AHCYL2: variants seen among roughly 807,000 people sequenced by gnomAD.
AHCYL2 encodes the protein S-adenosylhomocysteine hydrolase-like protein 2.
Under a neutral mutation model 81.4 loss-of-function variants are expected in AHCYL2, and 28 were observed. That is an observed-to-expected ratio of 0.34 (90% CI 0.25 to 0.47). The LOEUF (loss-of-function observed/expected upper bound fraction) is 0.47. AHCYL2 is among the 20% of genes least tolerant of loss of function. AHCYL2 has a pLI of 1.00. For synonymous variants in AHCYL2, 272 were observed against 290.2 expected, an observed-to-expected ratio of 0.94 and a Z score of 0.64; for missense variants, 551 against 785.1, an observed-to-expected ratio of 0.70 and a Z score of 3.56.
rs1028591283 is a variant in AHCYL2 at position 129,329,693 on chromosome 7, T to A, written c.364-49945T>A. Among the ~76,000 whole-genome samples, 12 of 152,378 alleles carry A rather than the reference T, an allele frequency of 7.9e-5. 1 individual carries two copies. The South Asian group carries it at 2.5e-3, about 32-fold the overall frequency. On this transcript the variant is annotated intron_variant, in intron 1 of 16. Transcript: ENST00000325006. ...TTTGGCAAGTTGCCTAATTTCTTTG[T>A]CTTCAGTTTCTTCATTTGTAAAATG...
chr7:129,317,070 T>C (rs1371083437), intron 1 of AHCYL2, among the ~76,000 whole-genome samples: 2 of 152,214 alleles, frequency 1.3e-5, no homozygotes, highest in African/African-American at 4.8e-5. Flanking sequence ...GGAAAATTCG[T>C]TGATTCACTT....
intron 1 of AHCYL2, among the ~76,000 whole-genome samples, chr7:129,326,929 A>C (rs891032535): frequency 6.6e-6 from 1 of 152,312 alleles, no homozygotes; most frequent in Middle Eastern, 3.4e-3. Context: ...AAGCCATTGA[A>C]AGGCTGTAAG....
At chr7:129,257,300 C>T (rs1795463031) in intron 1 of AHCYL2, among the ~76,000 whole-genome samples, 1 of 152,144 alleles carries the variant, frequency 6.6e-6, no homozygotes, top group Non-Finnish European at 1.5e-5. Context: ...TTTTAGTAAG[C>T]TTCATGGTTA....
At position 129,409,496 on chromosome 7, in the gene AHCYL2, T is replaced by C. The variant is rs775401554; in HGVS notation, c.1316T>C (p.Val439Ala). Reference sequence around the variant, plus strand: ...AACAGTATGGATGGATTTCGACTGGTGAAATTAAATGAGGTCATCCGACAA... The same window carrying C: ...AACAGTATGGATGGATTTCGACTGGCGAAATTAAATGAGGTCATCCGACAA... ...LQACMDGFRL[V>A]KLNEVIRQVD... The change falls in exon 11 of 17, where the codon GTG becomes GCG. Residue 439 changes from valine to alanine, a missense_variant. Coordinates refer to ENST00000325006, the MANE Select transcript of AHCYL2 (RefSeq NM_015328.4). 3 of 1,613,794 alleles carry C rather than the reference T, an allele frequency of 1.9e-6. No individual in the cohort carries two copies. In the South Asian group the frequency reaches 3.3e-5, roughly 18 times the overall value.
chr7:129,343,256 G>T (rs189942794), intron 1 of AHCYL2, among the ~76,000 whole-genome samples: 1 of 152,072 alleles, frequency 6.6e-6, no homozygotes, highest in Non-Finnish European at 1.5e-5. Flanking sequence ...TGGCATATCC[G>T]TACAGTTTCC....
chr7:129,360,278 G>A (rs187121251), intron 1 of AHCYL2, among the ~76,000 whole-genome samples: 227 of 152,090 alleles, frequency 1.5e-3, no homozygotes, highest in African/African-American at 5.3e-3. Context: ...CACCACGCTC[G>A]GCTAATTTTG....
chr7:129,412,079 T>G (rs1430289170), intron 11 of AHCYL2, among the ~76,000 whole-genome samples: 2 of 151,972 alleles, frequency 1.3e-5, no homozygotes, highest in Non-Finnish European at 2.9e-5. Context: ...CTGGGTGTGG[T>G]GGCTCACACC....
Position 129,379,709 on chromosome 7 carries a change from T to C in AHCYL2, c.435T>C (p.Ser145=). 6.2e-7 allele frequency: 1 copy of C among 1,614,176 alleles called. No individual in the cohort carries two copies. Among genetic ancestry groups the C allele is most frequent in the Non-Finnish European group, 8.5e-7 (1 of 1,180,014 alleles). The change falls in exon 2 of 17, where the codon TCT becomes TCC. Residue 145 remains serine, a synonymous_variant. Coordinates refer to ENST00000325006, the MANE Select transcript of AHCYL2 (RefSeq NM_015328.4). The part of the protein sequence containing the change: ...RPTKIGRRSL[S]RSISQSSTDS... Reference sequence around the variant, plus strand: ...CCAAAATTGGACGTCGCTCTTTGTCTCGTTCCATTTCTCAGTCATCTACTG... The same window carrying C: ...CCAAAATTGGACGTCGCTCTTTGTCCCGTTCCATTTCTCAGTCATCTACTG...
chr7:129,414,628 C>T (rs1041081693), intron 12 of AHCYL2, among the ~76,000 whole-genome samples: 4 of 152,022 alleles, frequency 2.6e-5, no homozygotes, highest in African/African-American at 7.3e-5. Flanking sequence ...ACCATATTGG[C>T]TAGGCTGGTC....
intron 2 of AHCYL2, among the ~76,000 whole-genome samples, chr7:129,385,626 A>G (rs777401986): frequency 4.6e-5 from 7 of 152,154 alleles, no homozygotes; most frequent in Non-Finnish European, 7.4e-5. Context: ...TATTCGTAAG[A>G]TTTTTCCGGT....
intron 12 of AHCYL2, among the ~76,000 whole-genome samples, chr7:129,417,347 G>C (rs990759286): frequency 1.3e-5 from 2 of 152,198 alleles, no homozygotes; most frequent in African/African-American, 4.8e-5. Flanking sequence ...GGTCAGAGGG[G>C]TAACAGGCCA....
At chr7:129,300,733 T>C (rs1797230890) in intron 1 of AHCYL2, among the ~76,000 whole-genome samples, 1 of 152,226 alleles carries the variant, frequency 6.6e-6, no homozygotes, top group Non-Finnish European at 1.5e-5. Context: ...TTGTTCTTCA[T>C]AGTGTATGAG....
At chr7:129,278,849 G>A (rs1796318749) in intron 1 of AHCYL2, among the ~76,000 whole-genome samples, 1 of 135,994 alleles carries the variant, frequency 7.4e-6, no homozygotes, top group Non-Finnish European at 1.5e-5. Flanking sequence ...AATTGCTCTT[G>A]CACCTTTGTT....
intron 12 of AHCYL2, among the ~76,000 whole-genome samples, chr7:129,416,511 T>C (rs1796856917): frequency 1.3e-5 from 2 of 151,948 alleles, no homozygotes. Context: ...ATTAAGAATA[T>C]GATGAGCCGG....
chr7:129,227,192 A>C (rs1021743564), intron 1 of AHCYL2, among the ~76,000 whole-genome samples: 2 of 152,196 alleles, frequency 1.3e-5, no homozygotes, highest in Non-Finnish European at 2.9e-5. Flanking sequence ...TGAGCTTGGC[A>C]CATAAAGTCT....
At chr7:129,260,986 C>T (rs921478937) in intron 1 of AHCYL2, among the ~76,000 whole-genome samples, 5 of 152,122 alleles carry the variant, frequency 3.3e-5, no homozygotes, top group African/African-American at 1.2e-4. Flanking sequence ...GACAGTGTTT[C>T]ACCATGTTGG....
intron 8 of AHCYL2, 96 bp from the exon 9 acceptor site, chr7:129,405,736 AAACC>A: frequency 8.6e-7 from 1 of 1,168,226 alleles, no homozygotes. Context: ...TCAAAATGAA[AAACC>A]AACCAAAAAA....
intron 1 of AHCYL2, among the ~76,000 whole-genome samples, chr7:129,290,684 A>G (rs1040476027): frequency 1.2e-4 from 18 of 151,850 alleles, no homozygotes; most frequent in Admixed American, 9.2e-4. Context: ...TAATCCCAGC[A>G]CTTTGGGAGG....
chr7:129,371,720 T>C (rs1282339961), intron 1 of AHCYL2, among the ~76,000 whole-genome samples: 1 of 152,220 alleles, frequency 6.6e-6, no homozygotes, highest in African/African-American at 2.4e-5. Flanking sequence ...GTTTCAACAT[T>C]TTAATATTTC....
Sources: gnomAD v4.1 joint callset for allele counts (sites outside exome capture counted in the v4.1 genomes callset) on GRCh38, gnomAD v4.1.1 for gene constraint, MANE v1.5 for transcripts, NCBI Gene and HGNC (gene_info 2026-07-23, HGNC 2026-07-21) for gene names.